MYH1: variants seen among roughly 807,000 people sequenced by gnomAD.
The protein encoded by MYH1 is myosin heavy chain 1.
Under a neutral mutation model 225.6 loss-of-function variants are expected in MYH1, and 214 were observed. The observed-to-expected ratio is 0.95, with a 90% confidence interval of 0.85 to 1.06. The LOEUF is 1.06. MYH1 is among the 50% of genes least tolerant of loss of function. The pLI, the probability that MYH1 is intolerant of heterozygous loss-of-function variation, is 0.00. For synonymous variants in MYH1, 774 were observed against 842.3 expected (o/e 0.92, Z 1.40); for missense variants, 2,098 against 2,344.2 (o/e 0.89, Z 2.17).
At chr17:10,513,109 C>T in intron 9 of MYH1, 144 bp from the exon 10 acceptor site, 1 of 638,222 alleles carries the variant, frequency 1.6e-6, no homozygotes, top group Non-Finnish European at 2.8e-6. Context: ...CATATTATGT[C>T]TCTACAAACA....
intron 6 of MYH1, among the ~76,000 whole-genome samples, 168 bp downstream of exon 6, chr17:10,514,699 AT>A (rs1261432520): frequency 1.3e-5 from 2 of 152,214 alleles, no homozygotes; most frequent in Non-Finnish European, 2.9e-5. Context: ...GAACATTATT[AT>A]TTTACATTCT....
chr17:10,495,528 G>A (rs1226167135), intron 35 of MYH1, among the ~76,000 whole-genome samples: 4 of 151,954 alleles, frequency 2.6e-5, no homozygotes, highest in Admixed American at 6.6e-5. Context: ...TTGGGAGGCC[G>A]AGGCGGGTGG....
rs752081755 is a variant in MYH1, at chr17:10,498,577, T to G, written c.4181+49A>C. 9 of 1,611,626 alleles carry G rather than the reference T, an allele frequency of 5.6e-6. No individual in the cohort carries two copies. The East Asian group carries it at 1.8e-4, about 32-fold the overall frequency. On this transcript the variant is annotated intron_variant, in intron 30 of 39. Transcript: ENST00000226207. ...TTTTTCCCTAGTTTTTCATATGTTT[T>G]GGGAGCAAGGAAACTTATAGTTCCA...
intron 22 of MYH1, 50 bp from the exon 23 acceptor site, chr17:10,503,298 T>G: frequency 6.3e-7 from 1 of 1,587,196 alleles, no homozygotes; most frequent in Non-Finnish European, 8.5e-7. Context: ...TCCTAGACAT[T>G]TTCAGATTTT....
intron 14 of MYH1, among the ~76,000 whole-genome samples, chr17:10,510,713 C>T (rs760737564): frequency 3.3e-5 from 5 of 152,104 alleles, no homozygotes; most frequent in East Asian, 1.9e-4. Context: ...ACATATTATC[C>T]GATTCCATTA....
Position 10,497,120 on chromosome 17 carries a change from C to G in MYH1, c.4605G>C (p.Lys1535Asn). Residue 1535 changes from lysine to asparagine, a missense_variant, in exon 33 of 40, where the codon AAG becomes AAC. Physicochemically the swap from Lys to Asn is moderately conservative, Grantham distance 94 (BLOSUM62 0). Transcript: ENST00000226207. ...KRIHELEKIK[K>N]QVEQEKSELQ... ...GTTCAGACTTTTCTTGCTCAACTTGCTTCTTTATTTTTTCCAGTTCATGGA... is the reference window on the plus strand; with the variant it reads ...GTTCAGACTTTTCTTGCTCAACTTGGTTCTTTATTTTTTCCAGTTCATGGA... The G allele has an allele frequency of 8.7e-6, 14 of 1,614,106 alleles. No individual in the cohort carries two copies. Among genetic ancestry groups the G allele is most frequent in the Non-Finnish European group, 1.1e-5 (13 of 1,180,006 alleles).
rs748749758 is a variant in MYH1 at position 10,501,153 on chromosome 17, A to G, written c.3695T>C (p.Ile1232Thr). The change falls in exon 27 of 40, where the codon ATC becomes ACC. Residue 1232 changes from isoleucine (I) to threonine (T), a missense_variant. Ile to Thr is a moderately conservative substitution (Grantham distance 89). Coordinates refer to ENST00000226207, the MANE Select transcript of MYH1 (RefSeq NM_005963.4). ...EKEKSEMKMEIDDLASNMETV... is the reference protein window; with the variant it reads ...EKEKSEMKMETDDLASNMETV... ...CTCCATGTTACTAGCAAGGTCATCG[A>G]TCTCCATCTTCATCTCACTCTTCTC... 6.2e-6 allele frequency: 10 copies of G among 1,613,976 alleles called. No homozygotes were observed. In the African/African-American group the frequency reaches 1.2e-4, roughly 19 times the overall value.
chr17:10,504,093 G>A (rs1459461977), intron 22 of MYH1, among the ~76,000 whole-genome samples: 1 of 152,194 alleles, frequency 6.6e-6, no homozygotes, highest in African/African-American at 2.4e-5. Flanking sequence ...GAACTGGGAT[G>A]GTAACTTTTA....
In MYH1 at chr17:10,492,536, G is replaced by A. The variant is rs2072945661; in HGVS notation, c.5700C>T (p.Phe1900=). 1.2e-6 allele frequency: 2 copies of A among 1,613,880 alleles called. No individual in the cohort carries two copies. Among genetic ancestry groups the A allele is most frequent in the South Asian group, 1.1e-5 (1 of 91,036 alleles). Reference sequence around the variant, plus strand: ...CCTCCAGCTCGTGCTGGATCCTGCGGAATTTGGAGAGGTTGACGTTGGATT... The same window carrying A: ...CCTCCAGCTCGTGCTGGATCCTGCGAAATTTGGAGAGGTTGACGTTGGATT... ...EEQSNVNLSK[F]RRIQHELEEA... is the part of the protein sequence containing the mutation. The change falls in exon 40 of 40, where the codon TTC becomes TTT. Residue 1900 remains phenylalanine (F), a synonymous_variant. Transcript: ENST00000226207.
rs370223448 is a variant in MYH1, at chr17:10,492,511, C to G, written c.5725G>C (p.Glu1909Gln). The change falls in exon 40 of 40, where the codon GAG (glutamate) becomes CAG (glutamine). Residue 1909 changes from glutamate to glutamine, a missense_variant. By Grantham distance (29) the Glu-to-Gln change is conservative. Coordinates refer to ENST00000226207, the MANE Select transcript of MYH1 (RefSeq NM_005963.4). Reference sequence around the variant, plus strand: ...GCAATGTCAGCCCGTTCCTCGGCCTCCTCCAGCTCGTGCTGGATCCTGCGG... The same window carrying G: ...GCAATGTCAGCCCGTTCCTCGGCCTGCTCCAGCTCGTGCTGGATCCTGCGG... The part of the protein sequence containing the change: ...KFRRIQHELE[E>Q]AEERADIAES... 1.1e-5 allele frequency: 17 copies of G among 1,614,052 alleles called. No homozygotes were observed. The highest frequency in any genetic ancestry group is 1.3e-5 in the African/African-American group (1 of 74,934).
chr17:10,498,933 T>C, intron 29 of MYH1, 41 bp downstream of exon 29: 1 of 1,602,240 alleles, frequency 6.2e-7, no homozygotes, highest in South Asian at 1.1e-5. Context: ...GAAAAACAAA[T>C]AACAAGAACA....
chr17:10,492,568 C>G lies in MYH1; in HGVS notation c.5668G>C (p.Glu1890Gln). The G allele has an allele frequency of 1.2e-6, 2 of 1,607,864 alleles. No individual in the cohort carries two copies. The highest frequency in any genetic ancestry group is 2.2e-5 in the South Asian group (2 of 89,502). ...KSYKRQAEEA[E>Q]EQSNVNLSKF... is the part of the protein sequence containing the mutation. ...GAGAGGTTGACGTTGGATTGTTCCT[C>G]CTGTGAATGGAAATCCATTTATGAG... The change falls in exon 40 of 40, where the codon GAG becomes CAG. Residue 1890 changes from glutamate (E) to glutamine (Q), a missense_variant and splice_region_variant. By Grantham distance (29) the Glu-to-Gln change is conservative. Transcript: ENST00000226207.
Position 10,507,971 on chromosome 17 carries a change from A to G in MYH1, c.1898-15T>C. The G allele has an allele frequency of 1.2e-6, 2 of 1,608,642 alleles. No homozygotes were observed. On this transcript the variant is annotated splice_polypyrimidine_tract_variant and intron_variant, in intron 16 of 39. Transcript: ENST00000226207. ...ACCGCCAGCCTCTGAGGGGAAAAAG[A>G]AAGCAATCATAGGACAGCCTTTCTC...
At chr17:10,507,126 T>G (rs1404823758) in intron 17 of MYH1, among the ~76,000 whole-genome samples, 1 of 152,092 alleles carries the variant, frequency 6.6e-6, no homozygotes, top group East Asian at 1.9e-4. Context: ...TACAGTGACA[T>G]GATCTCAGCT....
At chr17:10,500,990 A>G in intron 27 of MYH1, 120 bp downstream of exon 27, 1 of 1,487,820 alleles carries the variant, frequency 6.7e-7, no homozygotes, top group African/African-American at 1.4e-5. Flanking sequence ...GTTGTACTAT[A>G]CGTGATATGA....
rs897438645 is a variant in MYH1, at chr17:10,505,710, T to G, written c.2174+102A>C. On this transcript the variant is annotated intron_variant, in intron 19 of 39. Coordinates refer to ENST00000226207, the MANE Select transcript of MYH1 (RefSeq NM_005963.4). ...ATGGAGTTTGTTAAGTGAGTTTATCTTCTCTTCAATTTTAAGAGGAGGTAT... is the reference window on the plus strand; with the variant it reads ...ATGGAGTTTGTTAAGTGAGTTTATCGTCTCTTCAATTTTAAGAGGAGGTAT... The G allele has an allele frequency of 3.9e-5, 59 of 1,498,392 alleles. 1 individual carries two copies. In the Middle Eastern group the frequency reaches 9.0e-4, roughly 23 times the overall value. 92.8% of individuals were successfully genotyped at this position (1,498,392 alleles called of 1,614,324 possible). A position where few individuals can be genotyped will look rare whatever the true frequency, so the allele number is the denominator to read the frequency against.
In MYH1 at chr17:10,509,663, A is replaced by C. The variant is rs1455924938; in HGVS notation, c.1417-8T>G. ...CTGCTCCAGGCTGTTGAACTAAATG[A>C]GTTGAAAATACAAATTAGCATTCAA... is the stretch of plus-strand genomic sequence containing the variant. On this transcript the variant is annotated splice_polypyrimidine_tract_variant and splice_region_variant and intron_variant, in intron 14 of 39. Coordinates refer to ENST00000226207, the MANE Select transcript of MYH1 (RefSeq NM_005963.4). 1 of 1,614,230 alleles carries C rather than the reference A, an allele frequency of 6.2e-7. No individual in the cohort carries two copies. The highest frequency in any genetic ancestry group is 2.2e-5 in the East Asian group (1 of 44,890).
In MYH1 at chr17:10,497,890, A is replaced by G. The variant is rs1438441512; in HGVS notation, c.4209T>C (p.Asp1403=). 6 of 1,606,864 alleles carry G rather than the reference A, an allele frequency of 3.7e-6. No individual in the cohort carries two copies. Among genetic ancestry groups the G allele is most frequent in the Non-Finnish European group, 5.1e-6 (6 of 1,178,422 alleles). ...AKKKLAQRLQ[D]AEEHVEAVNA... ...TCACAGCTTCTACATGTTCCTCAGC[A>G]TCCTGCAGACGCTGAGCCAGCTTCT... The change falls in exon 31 of 40, where the codon GAT becomes GAC. Residue 1403 remains aspartate (D), a synonymous_variant. Transcript: ENST00000226207.
chr17:10,515,815 A>G, intron 5 of MYH1, 111 bp downstream of exon 5: 6 of 1,563,324 alleles, frequency 3.8e-6, no homozygotes, highest in Non-Finnish European at 3.5e-6. Context: ...ACCTCTGCTG[A>G]ACAACCAGGG....
Sources: gnomAD v4.1 joint callset for allele counts (sites outside exome capture counted in the v4.1 genomes callset) on GRCh38, gnomAD v4.1.1 for gene constraint, MANE v1.5 for transcripts, NCBI Gene and HGNC (gene_info 2026-07-23, HGNC 2026-07-21) for gene names.